The following FAM193B variants were observed in gnomAD, a reference collection of about 807,000 sequenced individuals.
FAM193B encodes the protein family with sequence similarity 193 member B, also known as protein FAM193B.
In FAM193B, 27 loss-of-function variants were observed where a neutral mutation model predicts 70.7. The observed-to-expected ratio is 0.38, with a 90% CI of 0.28 to 0.53. FAM193B has a LOEUF of 0.53. Among genes scored for constraint, FAM193B ranks in the 20% least tolerant of loss-of-function variants. FAM193B has a pLI of 0.81. For synonymous variants in FAM193B, 448 were observed against 436.0 expected (o/e 1.03, Z -0.34); for missense variants, 1,022 against 1,072.5 (o/e 0.95, Z 0.66).
At position 177,538,058 on chromosome 5, in the gene FAM193B, G is replaced by C. The variant is rs769822959; in HGVS notation, c.503C>G (p.Ser168Cys). Residue 168 changes from serine (S) to cysteine (C), a missense_variant, in exon 3 of 9, where the codon TCT (serine) becomes TGT (cysteine). Ser to Cys is a moderately radical substitution (Grantham distance 112). Transcript: ENST00000514747. The surrounding 1 kb of genome is among the most constrained non-coding windows in gnomAD (Gnocchi z 4.1). ...SCKSQSCGDDSHSSSSSSSSS... is the reference protein window; with the variant it reads ...SCKSQSCGDDCHSSSSSSSSS... Reference sequence around the variant, plus strand: ...TGAGGAGGAAGACGAGGACGAATGAGAGTCATCTCCACAAGACTGTGATTT... The same window carrying C: ...TGAGGAGGAAGACGAGGACGAATGACAGTCATCTCCACAAGACTGTGATTT... The C allele has an allele frequency of 1.3e-6, 2 of 1,552,494 alleles. No individual in the cohort carries two copies. Among genetic ancestry groups the C allele is most frequent in the East Asian group, 2.4e-5 (1 of 40,946 alleles).
intron 3 of FAM193B, 143 bp downstream of exon 3, chr5:177,537,729 TA>T: frequency 8.2e-7 from 1 of 1,218,894 alleles, no homozygotes; most frequent in Non-Finnish European, 1.1e-6. Flanking sequence ...AGTCAAGGTC[TA>T]AGCTGCCCCT....
chr5:177,536,918 G>T (rs1561771846), intron 3 of FAM193B, among the ~76,000 whole-genome samples, 173 bp from the exon 4 acceptor site: 1 of 152,220 alleles, frequency 6.6e-6, no homozygotes, highest in Non-Finnish European at 1.5e-5. Flanking sequence ...CAGCTGAGCA[G>T]GCTCAAGGAG....
chr5:177,536,271 TA>T, intron 4 of FAM193B, 86 bp downstream of exon 4: 1 of 1,375,938 alleles, frequency 7.3e-7, no homozygotes, highest in South Asian at 1.3e-5. Flanking sequence ...GTCTACTTTT[TA>T]ATTGCCACCT....
intron 1 of FAM193B, among the ~76,000 whole-genome samples, chr5:177,539,721 G>A (rs893943602): frequency 1.3e-5 from 2 of 152,262 alleles, no homozygotes; most frequent in African/African-American, 4.8e-5. Context: ...CAGAGGGAAG[G>A]TAAGGCTCTG....
At chr5:177,523,538 G>T (rs1174882199) in intron 7 of FAM193B, among the ~76,000 whole-genome samples, 1 of 152,118 alleles carries the variant, frequency 6.6e-6, no homozygotes, top group East Asian at 1.9e-4. Flanking sequence ...TCCTGGGAAG[G>T]CCTCCTGGCC....
chr5:177,528,102 A>G (rs770109234), intron 5 of FAM193B, among the ~76,000 whole-genome samples: 3 of 152,226 alleles, frequency 2.0e-5, no homozygotes, highest in Non-Finnish European at 2.9e-5. Flanking sequence ...GGGGCAGGCA[A>G]GACATCTGGA....
At chr5:177,529,537 G>A (rs1323528246) in intron 5 of FAM193B, among the ~76,000 whole-genome samples, 1 of 152,180 alleles carries the variant, frequency 6.6e-6, no homozygotes. Context: ...CCAGACAGGA[G>A]CTGTGCAGTG....
At chr5:177,548,621 TACCTGGGATCCAG>T (rs1157024597) in intron 1 of FAM193B, among the ~76,000 whole-genome samples, 2 of 152,150 alleles carry the variant, frequency 1.3e-5, no homozygotes, top group African/African-American at 4.8e-5. Flanking sequence ...CAACAATAGA[TACCTGGGATCCAG>T]ACCTGGAGAC....
At chr5:177,545,532 A>G (rs1046112383) in intron 1 of FAM193B, among the ~76,000 whole-genome samples, 1 of 152,152 alleles carries the variant, frequency 6.6e-6, no homozygotes, top group African/African-American at 2.4e-5. Flanking sequence ...TGGGTTCCTC[A>G]ATAATTTTTA....
At chr5:177,539,225 G>T in intron 1 of FAM193B, 78 bp from the exon 2 acceptor site, 1 of 1,437,690 alleles carries the variant, frequency 7.0e-7, no homozygotes. Context: ...TATTAGTAAT[G>T]CCACTTATTA....
At chr5:177,533,691 G>C (rs533572693) in intron 4 of FAM193B, among the ~76,000 whole-genome samples, 1 of 152,192 alleles carries the variant, frequency 6.6e-6, no homozygotes, top group Admixed American at 6.5e-5. Flanking sequence ...GTGAAGCTGA[G>C]TACTTGACTG....
intron 4 of FAM193B, among the ~76,000 whole-genome samples, chr5:177,533,064 C>G (rs1457936467): frequency 1.3e-5 from 2 of 152,206 alleles, no homozygotes. Flanking sequence ...ACCCTGCACA[C>G]AGCAGGTGCT....
At chr5:177,522,159 T>C (rs1761851359) in intron 7 of FAM193B, 88 bp from the exon 8 acceptor site, 1 of 1,045,860 alleles carries the variant, frequency 9.6e-7, no homozygotes, top group African/African-American at 1.6e-5. Flanking sequence ...TCCCCATCAC[T>C]AAGAGACCAG....
At chr5:177,548,053 AC>A (rs1765679696) in intron 1 of FAM193B, among the ~76,000 whole-genome samples, 1 of 152,128 alleles carries the variant, frequency 6.6e-6, no homozygotes, top group Non-Finnish European at 1.5e-5. Flanking sequence ...AGGACCAAAT[AC>A]ATAAAGTAGT....
At position 177,524,251 on chromosome 5, in the gene FAM193B, A is replaced by C; in HGVS notation, c.2230T>G (p.Leu744Val). The stretch of plus-strand genomic sequence containing the variant: ...CGGCTGCGGCCCTTGCCCTGGGGCA[A>C]GCTCTGTGGCCTTGCTGGGCCTGAG... ...QPSGPARPQS[L>V]PQGKGRSRRS... Residue 744 changes from leucine to valine, a missense_variant, in exon 6 of 9, where the codon TTG becomes GTG. Leu to Val is a conservative substitution (Grantham distance 32). Transcript: ENST00000514747. 1 of 1,558,258 alleles carries C rather than the reference A, an allele frequency of 6.4e-7. No homozygotes were observed. The highest frequency in any genetic ancestry group is 2.3e-5 in the East Asian group (1 of 43,418).
At chr5:177,521,854 GATCCC>G in intron 8 of FAM193B, 115 bp downstream of exon 8, 2 of 734,214 alleles carry the variant, frequency 2.7e-6, no homozygotes, top group Non-Finnish European at 4.7e-6. Context: ...AGAAGCCAGG[GATCCC>G]ATGCCCCAAG....
At chr5:177,549,403 C>G (rs1167036513) in intron 1 of FAM193B, among the ~76,000 whole-genome samples, 2 of 152,012 alleles carry the variant, frequency 1.3e-5, no homozygotes, top group Non-Finnish European at 2.9e-5. Flanking sequence ...CCGTGTTAGC[C>G]AGGATGGTCT....
Position 177,525,173 on chromosome 5 carries a change from A to G in FAM193B, c.1308T>C (p.Ala436=). 6.7e-7 allele frequency: 1 copy of G among 1,483,780 alleles called. No individual in the cohort carries two copies. Among genetic ancestry groups the G allele is most frequent in the Non-Finnish European group, 9.0e-7 (1 of 1,115,304 alleles). The allele number at this position is 1,483,780 out of a possible 1,614,324, so 91.9% of individuals were successfully genotyped here. Residue 436 remains alanine (A), a synonymous_variant, in exon 6 of 9, where the codon GCT becomes GCC. Transcript: ENST00000514747. ...EKEKAQLAAE[A]LKQANRVSGS... is the part of the protein sequence containing the mutation. The stretch of plus-strand genomic sequence containing the variant: ...CAGAAACACGATTTGCCTGCTTTAG[A>G]GCTTCTGCTGCCAACTGGGCCTTCT...
chr5:177,525,110 C>G lies in FAM193B; in HGVS notation c.1371G>C (p.Leu457Phe). 1 of 1,582,658 alleles carries G rather than the reference C, an allele frequency of 6.3e-7. No individual in the cohort carries two copies. ...REPRPARERL[L>F]EWPDRELDRV... ...GATCCAGTTCCCGGTCGGGCCACTCCAAGAGCCTCTCCCTGGCAGGCCTTG... is the reference window on the plus strand; with the variant it reads ...GATCCAGTTCCCGGTCGGGCCACTCGAAGAGCCTCTCCCTGGCAGGCCTTG... Residue 457 changes from leucine to phenylalanine, a missense_variant, in exon 6 of 9, where the codon TTG becomes TTC. Physicochemically the swap from Leu to Phe is conservative, Grantham distance 22 (BLOSUM62 0). Coordinates refer to ENST00000514747, the MANE Select transcript of FAM193B (RefSeq NM_001190946.3).
Sources: allele counts gnomAD v4.1 joint callset (sites outside exome capture counted in the v4.1 genomes callset), GRCh38; gene constraint gnomAD v4.1.1; non-coding constraint Gnocchi (gnomAD v3.1); transcripts MANE v1.5; gene names NCBI Gene and HGNC (gene_info 2026-07-23, HGNC 2026-07-21).